DIAPH2: variants seen among roughly 807,000 people sequenced by gnomAD.
The protein encoded by DIAPH2 is protein diaphanous homolog 2.
In DIAPH2, 35 loss-of-function variants were observed where a neutral mutation model predicts 92.7. The observed-to-expected ratio is 0.38, with a 90% confidence interval of 0.29 to 0.50. The LOEUF (loss-of-function observed/expected upper bound fraction) is 0.50. DIAPH2 is among the 20% of genes least tolerant of loss of function. DIAPH2 has a pLI of 0.94. For synonymous variants in DIAPH2, 301 were observed against 280.4 expected, an observed-to-expected ratio of 1.07 and a Z score of -0.73; for missense variants, 701 against 819.5, an observed-to-expected ratio of 0.86 and a Z score of 1.77.
At chrX:97,149,068 GA>G (rs775639085) in intron 22 of DIAPH2, among the ~76,000 whole-genome samples, 4,078 of 107,234 alleles carry the variant, frequency 0.038, 63 homozygotes, top group Non-Finnish European at 0.046. Context: ...TTTAATACCT[GA>G]AAAAAAAAAT....
chrX:97,383,285 T>C (rs775748658), intron 24 of DIAPH2, among the ~76,000 whole-genome samples: 16 of 111,461 alleles, frequency 1.4e-4, no homozygotes, highest in Non-Finnish European at 2.4e-4. Context: ...CATGATTAGA[T>C]GTAATCATTA....
At chrX:97,035,735 A>G (rs779379448) in intron 17 of DIAPH2, among the ~76,000 whole-genome samples, 78 of 111,448 alleles carry the variant, frequency 7.0e-4, no homozygotes, top group African/African-American at 2.3e-3. Flanking sequence ...TCGACTGGAC[A>G]TGGTGCCTCA....
chrX:97,375,854 C>T (rs1235199666), intron 24 of DIAPH2, among the ~76,000 whole-genome samples: 1 of 111,451 alleles, frequency 9.0e-6, no homozygotes. Flanking sequence ...CTAACAGCCT[C>T]CTATCAGTAA....
intron 17 of DIAPH2, among the ~76,000 whole-genome samples, chrX:97,039,411 G>A (rs1315220839): frequency 9.1e-6 from 1 of 110,454 alleles, no homozygotes; most frequent in Non-Finnish European, 1.9e-5. Flanking sequence ...GTTTTTTTGT[G>A]GTTGTGGTTG....
At chrX:97,522,404 C>T (rs1454128217) in intron 26 of DIAPH2, among the ~76,000 whole-genome samples, 2 of 112,185 alleles carry the variant, frequency 1.8e-5, no homozygotes, top group African/African-American at 6.5e-5. Context: ...GCCTGGTCCT[C>T]CCACAGTGCT....
At chrX:97,481,797 G>T (rs898147655) in intron 26 of DIAPH2, among the ~76,000 whole-genome samples, 1 of 111,451 alleles carries the variant, frequency 9.0e-6, no homozygotes, top group African/African-American at 3.3e-5. Context: ...TTCATTGATG[G>T]TTGACTAATT....
intron 4 of DIAPH2, among the ~76,000 whole-genome samples, chrX:96,789,828 C>T (rs73250737): frequency 0.011 from 1,239 of 111,269 alleles, 10 homozygotes; most frequent in Middle Eastern, 0.037. Flanking sequence ...AATACAGTAT[C>T]TAGGCATATT....
chrX:97,362,389 T>G (rs1327942380), intron 24 of DIAPH2, among the ~76,000 whole-genome samples: 11 of 112,452 alleles, frequency 9.8e-5, no homozygotes, highest in Non-Finnish European at 2.1e-4. Context: ...AAATGAGATG[T>G]TATCTGTGAA....
intron 25 of DIAPH2, among the ~76,000 whole-genome samples, chrX:97,410,315 G>A (rs1417756316): frequency 8.9e-6 from 1 of 111,929 alleles, no homozygotes; most frequent in Non-Finnish European, 1.9e-5. Flanking sequence ...TGCAGCTGAG[G>A]GACCTGACTC....
At chrX:96,932,504 TG>T in intron 10 of DIAPH2, among the ~76,000 whole-genome samples, 1 of 111,319 alleles carries the variant, frequency 9.0e-6, no homozygotes, top group South Asian at 3.8e-4. Context: ...GTTATTCATT[TG>T]GTTACACAGA....
At chrX:96,918,940 T>C (rs2065523306) in intron 9 of DIAPH2, among the ~76,000 whole-genome samples, 1 of 111,957 alleles carries the variant, frequency 8.9e-6, no homozygotes, top group South Asian at 3.7e-4. Flanking sequence ...CTAACAAGTG[T>C]TAGTGAAGTC....
At chrX:97,511,958 G>A (rs377295531) in intron 26 of DIAPH2, among the ~76,000 whole-genome samples, 1 of 113,382 alleles carries the variant, frequency 8.8e-6, no homozygotes, top group African/African-American at 3.2e-5. Flanking sequence ...AAGGATTTTG[G>A]TCTAAAATTC....
chrX:97,278,089 G>A (rs929129208), intron 23 of DIAPH2, among the ~76,000 whole-genome samples: 1 of 111,746 alleles, frequency 8.9e-6, no homozygotes, highest in African/African-American at 3.3e-5. Flanking sequence ...CGTGATCCGC[G>A]TGCCTCGGCC....
chrX:97,073,271 A>C (rs1034832196), intron 18 of DIAPH2, among the ~76,000 whole-genome samples: 1 of 111,938 alleles, frequency 8.9e-6, no homozygotes, highest in African/African-American at 3.2e-5. Flanking sequence ...AATAGTAAAG[A>C]TTTGGAAAGT....
At chrX:96,906,035 A>G (rs962433325) in intron 5 of DIAPH2, among the ~76,000 whole-genome samples, 10 of 112,712 alleles carry the variant, frequency 8.9e-5, no homozygotes, top group African/African-American at 3.2e-4. Context: ...AGGCTGAGGC[A>G]GGAGAATGGG....
intron 19 of DIAPH2, among the ~76,000 whole-genome samples, chrX:97,078,072 A>G (rs2066717029): frequency 8.9e-6 from 1 of 111,985 alleles, no homozygotes; most frequent in South Asian, 3.7e-4. Flanking sequence ...ATCAGTGGTA[A>G]AACAGAAATA....
intron 24 of DIAPH2, among the ~76,000 whole-genome samples, chrX:97,366,279 CTT>C (rs1295121983): frequency 2.7e-5 from 3 of 111,832 alleles, no homozygotes; most frequent in Non-Finnish European, 5.6e-5. Flanking sequence ...CTGCCTCTCT[CTT>C]TCTCTCTGCC....
chrX:96,807,369 T>G (rs1428568924), intron 4 of DIAPH2, among the ~76,000 whole-genome samples: 1 of 111,444 alleles, frequency 9.0e-6, no homozygotes, highest in African/African-American at 3.3e-5. Context: ...AATCCAGCAA[T>G]CCCAGATGAT....
chrX:97,353,214 C>T (rs975232225), intron 24 of DIAPH2, among the ~76,000 whole-genome samples: 10 of 111,053 alleles, frequency 9.0e-5, no homozygotes, highest in Non-Finnish European at 1.7e-4. Context: ...CCTTTCTATG[C>T]TTCAGTCATT....
Sources: allele counts gnomAD v4.1 joint callset (sites outside exome capture counted in the v4.1 genomes callset), GRCh38; gene constraint gnomAD v4.1.1; transcripts MANE v1.5; gene names NCBI Gene and HGNC (gene_info 2026-07-23, HGNC 2026-07-21).